The following HDAC9 variants were observed in gnomAD, a reference collection of about 807,000 sequenced individuals.
HDAC9 encodes the protein MEF-2 interacting transcription repressor (MITR) protein.
Under a neutral mutation model 139.4 loss-of-function variants are expected in HDAC9, and 41 were observed. That is an observed-to-expected ratio of 0.29 (90% CI 0.23 to 0.38). The LOEUF (loss-of-function observed/expected upper bound fraction) is 0.38, where lower values mean the gene tolerates loss of function less well. Ranked by LOEUF, HDAC9 falls within the 10% of genes least tolerant of loss-of-function variation. HDAC9 has a pLI of 1.00. For missense variants in HDAC9, 1,147 were observed against 1,297.0 expected, an observed-to-expected ratio of 0.88 and a Z score of 1.78; for synonymous variants, 517 against 476.2, an observed-to-expected ratio of 1.09 and a Z score of -1.12.
rs547638794 is a variant in HDAC9 at position 18,721,947 on chromosome 7, A to G, written c.1732-5633A>G. Among the ~76,000 whole-genome samples, 7 of 152,304 alleles carry G rather than the reference A, an allele frequency of 4.6e-5. No individual in the cohort carries two copies. In the East Asian group the frequency reaches 5.8e-4, roughly 13 times the overall value. On this transcript the variant is annotated intron_variant, in intron 12 of 25. Coordinates refer to ENST00000686413, the MANE Select transcript of HDAC9 (RefSeq NM_178425.4). ...CCACTTTCAAATGATGGCAATGCCT[A>G]TGCCCTACCACTTAGAATGATGGGG...
chr7:18,865,808 C>T (rs1465632864), intron 21 of HDAC9, among the ~76,000 whole-genome samples: 2 of 151,644 alleles, frequency 1.3e-5, no homozygotes, highest in African/African-American at 4.8e-5. Context: ...GCCAGAAAAA[C>T]CTAAAAGAAA....
chr7:18,769,373 G>A (rs1790092375), intron 16 of HDAC9, among the ~76,000 whole-genome samples: 1 of 152,154 alleles, frequency 6.6e-6, no homozygotes, highest in South Asian at 2.1e-4. Flanking sequence ...GGGTCATAGA[G>A]TAAGTCCTTA....
chr7:18,859,022 G>A (rs533883254), intron 21 of HDAC9, among the ~76,000 whole-genome samples: 2 of 152,230 alleles, frequency 1.3e-5, no homozygotes, highest in South Asian at 2.1e-4. Context: ...TTCCGAGAAC[G>A]TGATCTTTGG....
chr7:18,930,609 A>T (rs10264011), intron 22 of HDAC9, among the ~76,000 whole-genome samples: 43,505 of 127,978 alleles, frequency 0.34, 7,405 homozygotes, highest in East Asian at 0.5. Context: ...AGAATTCAGG[A>T]TAATAAAATT....
At position 18,941,235 on chromosome 7, in the gene HDAC9, C is replaced by T. The variant is rs1215209339; in HGVS notation, c.2937+5293C>T. 2.6e-5 allele frequency among the ~76,000 whole-genome samples: 4 copies of T among 151,726 alleles called. No individual in the cohort carries two copies. The East Asian group carries it at 7.7e-4, about 29-fold the overall frequency. ...TTCCTCACTCCCTTCAACCCTCTCT[C>T]CCTTTCTCCCTCCCTCTCTCCAGTT... is the stretch of plus-strand genomic sequence containing the variant. On this transcript the variant is annotated intron_variant, in intron 23 of 25. Coordinates refer to ENST00000686413, the MANE Select transcript of HDAC9 (RefSeq NM_178425.4).
intron 1 of HDAC9, among the ~76,000 whole-genome samples, chr7:18,467,121 A>AAGTGAATATGTTCCACAGTATTC (rs1794346705): frequency 6.6e-6 from 1 of 152,218 alleles, no homozygotes; most frequent in Non-Finnish European, 1.5e-5. Flanking sequence ...CAGTCAAATA[A>AAGTGAATATGTTCCACAGTATTC]ACTTTAATAA....
intron 16 of HDAC9, among the ~76,000 whole-genome samples, chr7:18,770,075 A>G (rs768191408): frequency 1.1e-4 from 16 of 152,180 alleles, no homozygotes; most frequent in Non-Finnish European, 1.5e-4. Context: ...ATGAAATCAG[A>G]ACATCTCTAC....
At chr7:18,772,920 T>C (rs1407731094) in intron 16 of HDAC9, among the ~76,000 whole-genome samples, 1 of 152,138 alleles carries the variant, frequency 6.6e-6, no homozygotes. Flanking sequence ...TTTCCAGTAT[T>C]GCATAGATTA....
At chr7:18,905,941 C>G (rs1027655307) in intron 22 of HDAC9, among the ~76,000 whole-genome samples, 5 of 143,858 alleles carry the variant, frequency 3.5e-5, no homozygotes, top group African/African-American at 1.3e-4. Context: ...TTTCTTTCTC[C>G]TCTTTCTTTC....
intron 2 of HDAC9, among the ~76,000 whole-genome samples, chr7:18,178,308 C>A (rs1430442595): frequency 1.3e-5 from 2 of 152,240 alleles, no homozygotes; most frequent in Non-Finnish European, 2.9e-5. Flanking sequence ...TTGTCTCGAA[C>A]TTCTGACCTC....
intron 1 of HDAC9, among the ~76,000 whole-genome samples, chr7:18,397,612 G>A (rs998844845): frequency 1.3e-5 from 2 of 152,124 alleles, no homozygotes; most frequent in African/African-American, 4.8e-5. Context: ...AACTAAACCA[G>A]ACATCATTCA....
At chr7:18,479,835 G>T (rs1795401948) in intron 1 of HDAC9, among the ~76,000 whole-genome samples, 1 of 151,740 alleles carries the variant, frequency 6.6e-6, no homozygotes. Flanking sequence ...ATATGGTAAT[G>T]GTTTATTATA....
intron 2 of HDAC9, among the ~76,000 whole-genome samples, chr7:18,176,695 A>T (rs990063011): frequency 1.3e-5 from 2 of 152,238 alleles, no homozygotes; most frequent in Non-Finnish European, 2.9e-5. Context: ...CAGATTTGTT[A>T]TACAGGTAAA....
intron 16 of HDAC9, chr7:18,793,125 A>C: frequency 1.9e-6 from 1 of 524,622 alleles, no homozygotes; most frequent in Non-Finnish European, 3.5e-6. Context: ...GTAGAGAAAA[A>C]GTATAAGCAA....
intron 13 of HDAC9, among the ~76,000 whole-genome samples, 172 bp from the exon 14 acceptor site, chr7:18,748,833 C>T (rs1788202472): frequency 6.6e-6 from 1 of 152,168 alleles, no homozygotes; most frequent in Admixed American, 6.5e-5. Flanking sequence ...TCCAGATAGA[C>T]AGGTCTCAAT....
At chr7:18,172,493 C>G (rs187292213) in intron 2 of HDAC9, among the ~76,000 whole-genome samples, 1 of 152,116 alleles carries the variant, frequency 6.6e-6, no homozygotes, top group Non-Finnish European at 1.5e-5. Context: ...CTTCTGCTAC[C>G]TTTTCAATTT....
At chr7:18,101,292 G>T (rs961772821) in intron 1 of HDAC9, among the ~76,000 whole-genome samples, 29 of 152,070 alleles carry the variant, frequency 1.9e-4, no homozygotes, top group African/African-American at 6.8e-4. Context: ...TTCCTTTCCT[G>T]GGCCACAATC....
At chr7:18,144,162 G>GTTTA (rs1008858955) in intron 1 of HDAC9, among the ~76,000 whole-genome samples, 55 of 152,214 alleles carry the variant, frequency 3.6e-4, no homozygotes, top group African/African-American at 1.3e-3. Flanking sequence ...AATAATACAT[G>GTTTA]TTTATTTTAG....
intron 1 of HDAC9, chr7:18,127,233 T>C (rs1784726386): frequency 5.9e-6 from 1 of 169,532 alleles, no homozygotes; most frequent in Non-Finnish European, 1.5e-5. Context: ...ACAAATACTT[T>C]TTTAGCATAA....
Sources: gnomAD v4.1 joint callset for allele counts (sites outside exome capture counted in the v4.1 genomes callset) on GRCh38, gnomAD v4.1.1 for gene constraint, MANE v1.5 for transcripts, NCBI Gene and HGNC (gene_info 2026-07-23, HGNC 2026-07-21) for gene names.